FOXO3: variants seen among roughly 807,000 people sequenced by gnomAD.
FOXO3 encodes the protein forkhead box O3.
FOXO3 carries 4 observed loss-of-function variants against 41.9 expected under a neutral mutation model. The observed-to-expected ratio is 0.10, with a 90% CI of 0.05 to 0.22. The LOEUF (loss-of-function observed/expected upper bound fraction) is 0.22. Ranked by LOEUF, FOXO3 falls within the 10% of genes least tolerant of loss-of-function variation. The pLI, the probability that FOXO3 is intolerant of heterozygous loss-of-function variation, is 1.00. For missense variants in FOXO3, 534 were observed against 906.8 expected (o/e 0.59, Z 5.28); for synonymous variants, 318 against 389.3 (o/e 0.82, Z 2.16).
intron 1 of FOXO3, among the ~76,000 whole-genome samples, chr6:108,658,526 A>C (rs1303001759): frequency 6.6e-6 from 1 of 152,052 alleles, no homozygotes; most frequent in Non-Finnish European, 1.5e-5. Flanking sequence ...AGTAGTTAAT[A>C]TTGGGGGTGG....
At chr6:108,654,821 G>A (rs1257410161) in intron 1 of FOXO3, among the ~76,000 whole-genome samples, 2 of 151,574 alleles carry the variant, frequency 1.3e-5, no homozygotes, top group Non-Finnish European at 2.9e-5. Context: ...TACATATCAG[G>A]TTGTTTGTGC....
rs3800224 is a variant in FOXO3, at chr6:108,665,044, G to C, written c.*34+155G>C. Among the ~76,000 whole-genome samples the C allele has an allele frequency of 7.9e-4, 121 of 152,290 alleles. 6 individuals are homozygous for C. The East Asian group carries it at 0.013, about 16-fold the overall frequency. On this transcript the variant is annotated intron_variant, in intron 2 of 2. Coordinates refer to ENST00000406360, the MANE Select transcript of FOXO3 (RefSeq NM_001455.4). ...ATGGCTCCCAGCCAGTTCCATCTCA[G>C]GGTTTTACCTGCAAACCAAATAGGG...
intron 1 of FOXO3, among the ~76,000 whole-genome samples, chr6:108,631,736 C>G (rs1197444393): frequency 2.6e-5 from 4 of 152,060 alleles, no homozygotes; most frequent in Admixed American, 1.3e-4. Flanking sequence ...ATTATCACAC[C>G]TAACTGTAGG....
intron 1 of FOXO3, among the ~76,000 whole-genome samples, chr6:108,639,016 C>T (rs996570591): frequency 2.0e-5 from 3 of 152,152 alleles, no homozygotes; most frequent in South Asian, 2.1e-4. Flanking sequence ...TCTAGATGGC[C>T]GTCCTTGGGA....
chr6:108,667,636 T>G (rs1485081999), intron 2 of FOXO3, among the ~76,000 whole-genome samples: 1 of 152,236 alleles, frequency 6.6e-6, no homozygotes, highest in African/African-American at 2.4e-5. Flanking sequence ...TTTTTAAAGT[T>G]TATCTGGTGA....
chr6:108,586,584 C>T (rs1776584484), intron 1 of FOXO3, among the ~76,000 whole-genome samples: 1 of 152,102 alleles, frequency 6.6e-6, no homozygotes, highest in Non-Finnish European at 1.5e-5. Context: ...CAGTATGGAT[C>T]AGTTTCTTTG....
intron 1 of FOXO3, among the ~76,000 whole-genome samples, chr6:108,621,756 AG>A (rs532030083): frequency 3.5e-4 from 53 of 152,130 alleles, no homozygotes; most frequent in African/African-American, 1.2e-3. Context: ...TGAAGGTGAG[AG>A]GTCTGTAGCT....
At chr6:108,618,924 CTCTGTGT>C (rs1170366393) in intron 1 of FOXO3, among the ~76,000 whole-genome samples, 2 of 152,208 alleles carry the variant, frequency 1.3e-5, no homozygotes, top group Non-Finnish European at 2.9e-5. Context: ...GACTGACATG[CTCTGTGT>C]TCCCCCTTCT....
chr6:108,648,470 A>G (rs766044427), intron 1 of FOXO3, among the ~76,000 whole-genome samples: 18 of 152,144 alleles, frequency 1.2e-4, no homozygotes, highest in Admixed American at 8.5e-4. Flanking sequence ...TTAATGGTTT[A>G]TTGTCGTAAA....
chr6:108,677,395 G>T (rs1348708959), intron 2 of FOXO3, among the ~76,000 whole-genome samples: 1 of 152,196 alleles, frequency 6.6e-6, no homozygotes, highest in African/African-American at 2.4e-5. Context: ...ATTGTGCTCT[G>T]TTAGGGGCTC....
At chr6:108,632,794 AT>A (rs892599137) in intron 1 of FOXO3, among the ~76,000 whole-genome samples, 5 of 152,004 alleles carry the variant, frequency 3.3e-5, no homozygotes, top group African/African-American at 9.7e-5. Context: ...TCACCTAAGT[AT>A]TTTTTTCCCC....
At chr6:108,563,807 A>G (rs1351202656) in intron 1 of FOXO3, among the ~76,000 whole-genome samples, 1 of 152,160 alleles carries the variant, frequency 6.6e-6, no homozygotes, top group Admixed American at 6.5e-5. Flanking sequence ...TTTGGGGGGA[A>G]GATTTACATG....
chr6:108,605,100 C>T (rs575128409), intron 1 of FOXO3, among the ~76,000 whole-genome samples: 1 of 152,036 alleles, frequency 6.6e-6, no homozygotes, highest in South Asian at 2.1e-4. Context: ...TCATGGGTAT[C>T]CTTATATCTA....
intron 1 of FOXO3, among the ~76,000 whole-genome samples, chr6:108,584,504 C>T (rs1400131350): frequency 6.6e-6 from 1 of 152,134 alleles, no homozygotes; most frequent in East Asian, 1.9e-4. Context: ...CATCCTTTCG[C>T]GTTGGCTTTG....
intron 1 of FOXO3, among the ~76,000 whole-genome samples, chr6:108,652,537 T>C (rs1778575073): frequency 6.6e-6 from 1 of 152,238 alleles, no homozygotes; most frequent in African/African-American, 2.4e-5. Context: ...CAGAAGGAAA[T>C]ACACAGTGCA....
chr6:108,563,181 A>C (rs1406058862), intron 1 of FOXO3, among the ~76,000 whole-genome samples: 1 of 152,204 alleles, frequency 6.6e-6, no homozygotes, highest in African/African-American at 2.4e-5. Flanking sequence ...TAAAGAACTT[A>C]ATGTAGAGAA....
intron 2 of FOXO3, among the ~76,000 whole-genome samples, chr6:108,678,306 T>C (rs370966075): frequency 6.6e-6 from 1 of 152,208 alleles, no homozygotes; most frequent in Non-Finnish European, 1.5e-5. Flanking sequence ...TCATTACTTA[T>C]TTACCTTGTC....
At chr6:108,657,629 A>G (rs1182573638) in intron 1 of FOXO3, among the ~76,000 whole-genome samples, 5 of 152,216 alleles carry the variant, frequency 3.3e-5, no homozygotes, top group Non-Finnish European at 7.3e-5. Flanking sequence ...TCCCAAAACT[A>G]ATGTAAAATG....
At chr6:108,632,456 T>G (rs2128376396) in intron 1 of FOXO3, among the ~76,000 whole-genome samples, 1 of 152,302 alleles carries the variant, frequency 6.6e-6, no homozygotes, top group African/African-American at 2.4e-5. Flanking sequence ...CTAAAACTAG[T>G]TTTATCTCAC....
Sources: gnomAD v4.1 joint callset for allele counts (sites outside exome capture counted in the v4.1 genomes callset) on GRCh38, gnomAD v4.1.1 for gene constraint, MANE v1.5 for transcripts, NCBI Gene and HGNC (gene_info 2026-07-23, HGNC 2026-07-21) for gene names.